The following CSMD1 variants were observed in gnomAD, a reference collection of about 807,000 sequenced individuals.
The protein encoded by CSMD1 is CUB and sushi domain-containing protein 1.
In CSMD1, 213 loss-of-function variants were observed where a neutral mutation model predicts 417.5. That is an observed-to-expected ratio of 0.51 (90% CI 0.46 to 0.57). CSMD1 has a LOEUF of 0.57. Ranked by LOEUF, CSMD1 falls within the 20% of genes least tolerant of loss-of-function variation. The pLI, the probability that CSMD1 is intolerant of heterozygous loss-of-function variation, is 0.00. For missense variants in CSMD1, 6,923 were observed against 4,529.7 expected, an observed-to-expected ratio of 1.53 and a Z score of -15.17; for synonymous variants, 2,862 against 1,736.8, an observed-to-expected ratio of 1.65 and a Z score of -16.11.
At chr8:3,066,197 C>T (rs143189004) in intron 49 of CSMD1, among the ~76,000 whole-genome samples, 1,775 of 152,262 alleles carry the variant, frequency 0.012, 40 homozygotes, top group African/African-American at 0.04. Context: ...ACTTAAACTC[C>T]GCTTCATTAA....
intron 6 of CSMD1, among the ~76,000 whole-genome samples, chr8:3,728,174 C>T (rs1802607965): frequency 6.6e-6 from 1 of 152,170 alleles, no homozygotes; most frequent in African/African-American, 2.4e-5. Context: ...CTGTTGCCCC[C>T]ATACTGTTCT....
chr8:4,292,184 T>C (rs1010027296), intron 3 of CSMD1, among the ~76,000 whole-genome samples: 2 of 152,138 alleles, frequency 1.3e-5, no homozygotes, highest in African/African-American at 4.8e-5. Context: ...TCAGAAGGGA[T>C]GGACTTATTT....
intron 40 of CSMD1, among the ~76,000 whole-genome samples, chr8:3,144,849 G>A (rs1192354595): frequency 6.7e-6 from 1 of 149,336 alleles, no homozygotes; most frequent in Non-Finnish European, 1.5e-5. Context: ...GGGTCCAGGG[G>A]CTCCTGTGTC....
intron 3 of CSMD1, among the ~76,000 whole-genome samples, chr8:4,143,153 C>T (rs1437533577): frequency 6.7e-6 from 1 of 149,322 alleles, no homozygotes; most frequent in Non-Finnish European, 1.5e-5. Flanking sequence ...GAAACAAATG[C>T]ACTAGCAAAT....
intron 2 of CSMD1, among the ~76,000 whole-genome samples, chr8:4,582,993 A>G (rs567281027): frequency 7.9e-5 from 12 of 152,170 alleles, no homozygotes; most frequent in Non-Finnish European, 1.8e-4. Flanking sequence ...CGGACGGTGT[A>G]CTGAATCCCC....
At chr8:3,526,883 T>C (rs1478914016) in intron 10 of CSMD1, among the ~76,000 whole-genome samples, 1 of 152,324 alleles carries the variant, frequency 6.6e-6, no homozygotes, top group East Asian at 1.9e-4. Context: ...GGTAAAGTGC[T>C]AGTAATTCAC....
intron 5 of CSMD1, among the ~76,000 whole-genome samples, chr8:3,957,687 GAAA>G (rs369302466): frequency 6.8e-6 from 1 of 147,874 alleles, no homozygotes; most frequent in Non-Finnish European, 1.5e-5. Context: ...GACCATGTCG[GAAA>G]AAAAAGAAGA....
At chr8:3,813,477 T>C (rs749033100) in intron 5 of CSMD1, among the ~76,000 whole-genome samples, 19 of 152,310 alleles carry the variant, frequency 1.2e-4, no homozygotes, top group South Asian at 6.2e-4. Context: ...TCGTATCTTT[T>C]GGACTTTTAT....
chr8:4,650,640 G>C (rs1803836463), intron 1 of CSMD1, among the ~76,000 whole-genome samples: 2 of 147,780 alleles, frequency 1.4e-5, no homozygotes, highest in South Asian at 2.1e-4. Flanking sequence ...AGCCTTTCGA[G>C]TCTGTGGCCT....
intron 6 of CSMD1, among the ~76,000 whole-genome samples, chr8:3,724,713 T>C (rs1376063719): frequency 9.2e-5 from 14 of 152,210 alleles, no homozygotes; most frequent in Non-Finnish European, 1.6e-4. Context: ...TGCATTTTTA[T>C]TTACACTGCC....
At chr8:3,989,154 T>C (rs1422471007) in intron 5 of CSMD1, among the ~76,000 whole-genome samples, 1 of 152,150 alleles carries the variant, frequency 6.6e-6, no homozygotes, top group African/African-American at 2.4e-5. Flanking sequence ...TGCTAAGGGT[T>C]TTCCAAGCGT....
At position 4,899,923 on chromosome 8, in the gene CSMD1, G is replaced by A. The variant is rs188988868; in HGVS notation, c.85+94409C>T. On this transcript the variant is annotated intron_variant, in intron 1 of 69. Coordinates refer to ENST00000635120, the MANE Select transcript of CSMD1 (RefSeq NM_033225.6). ...TGTCCCTAGAGTTTACCCATCACCA[G>A]AGTCTTGTTCACAGTAGGCCTTTAA... Among the ~76,000 whole-genome samples, 18 of 152,314 alleles carry A rather than the reference G, an allele frequency of 1.2e-4. No homozygotes were observed. In the East Asian group the frequency reaches 3.3e-3, roughly 28 times the overall value.
intron 2 of CSMD1, among the ~76,000 whole-genome samples, chr8:4,624,431 A>C (rs547279940): frequency 6.6e-6 from 1 of 152,264 alleles, no homozygotes; most frequent in African/African-American, 2.4e-5. Context: ...TCCTCTCTGG[A>C]ATTACCAGCA....
chr8:4,976,228 C>A (rs148502729), intron 1 of CSMD1, among the ~76,000 whole-genome samples: 177 of 152,244 alleles, frequency 1.2e-3, no homozygotes, highest in African/African-American at 4.1e-3. Context: ...ACAAGAGTAT[C>A]CATACCCCAA....
At chr8:3,336,171 A>G (rs981003935) in intron 23 of CSMD1, among the ~76,000 whole-genome samples, 1 of 152,140 alleles carries the variant, frequency 6.6e-6, no homozygotes, top group Admixed American at 6.5e-5. Flanking sequence ...GAAAAATAGT[A>G]ACTGTGGGGT....
At chr8:4,276,771 C>A (rs574648294) in intron 3 of CSMD1, among the ~76,000 whole-genome samples, 1 of 152,044 alleles carries the variant, frequency 6.6e-6, no homozygotes, top group African/African-American at 2.4e-5. Flanking sequence ...AGAAGGAAAA[C>A]CCTCAGGGGA....
At chr8:3,812,815 G>C (rs777492982) in intron 5 of CSMD1, among the ~76,000 whole-genome samples, 3 of 152,142 alleles carry the variant, frequency 2.0e-5, no homozygotes, top group African/African-American at 7.2e-5. Context: ...TTCCTTTGAG[G>C]TTGCTAGGAG....
chr8:3,032,401 C>T (rs1234667329), intron 50 of CSMD1, among the ~76,000 whole-genome samples: 2 of 151,890 alleles, frequency 1.3e-5, no homozygotes, highest in South Asian at 2.1e-4. Flanking sequence ...TCCATGCACC[C>T]CTGCGTTCAT....
intron 7 of CSMD1, among the ~76,000 whole-genome samples, chr8:3,645,397 C>G (rs1192836689): frequency 2.0e-5 from 3 of 152,202 alleles, no homozygotes; most frequent in Non-Finnish European, 4.4e-5. Flanking sequence ...TGAAGCTCGG[C>G]TTCGGGTGTC....
Sources: gnomAD v4.1 joint callset for allele counts (sites outside exome capture counted in the v4.1 genomes callset) on GRCh38, gnomAD v4.1.1 for gene constraint, MANE v1.5 for transcripts, NCBI Gene and HGNC (gene_info 2026-07-23, HGNC 2026-07-21) for gene names.